Variants in FBXW4 observed in about 807,000 individuals in gnomAD.
FBXW4 encodes the protein F-box and WD repeat domain containing 4.
Under a neutral mutation model 61.8 loss-of-function variants are expected in FBXW4, and 40 were observed. The observed-to-expected ratio is 0.65, with a 90% CI of 0.50 to 0.84. FBXW4 has a LOEUF of 0.84. Ranked by LOEUF, FBXW4 falls within the 40% of genes least tolerant of loss-of-function variation. FBXW4 has a pLI of 0.00. For missense variants in FBXW4, 672 were observed against 753.8 expected (o/e 0.89, Z 1.27); for synonymous variants, 311 against 313.8 (o/e 0.99, Z 0.10).
At chr10:101,673,096 G>A in intron 3 of FBXW4, 49 bp from the exon 4 acceptor site, 2 of 1,590,454 alleles carry the variant, frequency 1.3e-6, no homozygotes, top group Non-Finnish European at 1.7e-6. Context: ...TATTCTTTCT[G>A]TAGAAAGAGA....
rs546814363 is a variant in FBXW4 at position 101,684,417 on chromosome 10, C to T, written c.726-7981G>A. Reference sequence around the variant, plus strand: ...CTGGGATTACAGGCGTGAGCCACTGCGCCTGGCCTACCCAGCTAATTTTTG... The same window carrying T: ...CTGGGATTACAGGCGTGAGCCACTGTGCCTGGCCTACCCAGCTAATTTTTG... On this transcript the variant is annotated intron_variant, in intron 1 of 8. Transcript: ENST00000331272. 5.3e-5 allele frequency among the ~76,000 whole-genome samples: 8 copies of T among 152,236 alleles called. No homozygotes were observed. In the East Asian group the frequency reaches 9.7e-4, roughly 18 times the overall value.
intron 5 of FBXW4, among the ~76,000 whole-genome samples, chr10:101,631,618 C>A (rs2063956879): frequency 6.7e-6 from 1 of 149,650 alleles, no homozygotes. Context: ...AAGGGAAAAA[C>A]ACATTATTTA....
At chr10:101,634,689 T>A (rs1476048623) in intron 5 of FBXW4, among the ~76,000 whole-genome samples, 1 of 148,458 alleles carries the variant, frequency 6.7e-6, no homozygotes, top group African/African-American at 2.5e-5. Context: ...GAATACACAT[T>A]TGAAAAAAAA....
At chr10:101,642,201 T>C (rs1300370627) in intron 5 of FBXW4, among the ~76,000 whole-genome samples, 1 of 151,900 alleles carries the variant, frequency 6.6e-6, no homozygotes, top group Non-Finnish European at 1.5e-5. Flanking sequence ...TCCACACATG[T>C]GTATGTGTTT....
At chr10:101,655,090 A>G (rs2064174782) in intron 5 of FBXW4, among the ~76,000 whole-genome samples, 1 of 152,120 alleles carries the variant, frequency 6.6e-6, no homozygotes, top group South Asian at 2.1e-4. Context: ...TCAGCCTCCC[A>G]AAGTGCTGGG....
chr10:101,664,526 G>T (rs2064278834), intron 5 of FBXW4, among the ~76,000 whole-genome samples: 2 of 152,208 alleles, frequency 1.3e-5, no homozygotes, highest in African/African-American at 4.8e-5. Flanking sequence ...TACTCAACAG[G>T]AATGGTGGCA....
chr10:101,619,150 G>C (rs2063848360), intron 6 of FBXW4, among the ~76,000 whole-genome samples: 1 of 152,198 alleles, frequency 6.6e-6, no homozygotes, highest in Non-Finnish European at 1.5e-5. Context: ...TGGGATCACA[G>C]GGCCTAGCTA....
chr10:101,630,872 G>A (rs914573047), intron 5 of FBXW4, among the ~76,000 whole-genome samples: 1 of 152,234 alleles, frequency 6.6e-6, no homozygotes, highest in South Asian at 2.1e-4. Flanking sequence ...CCACCTTGCA[G>A]GTGGGGAAAC....
At chr10:101,681,444 G>A (rs1451991431) in intron 1 of FBXW4, among the ~76,000 whole-genome samples, 2 of 148,360 alleles carry the variant, frequency 1.3e-5, no homozygotes, top group Non-Finnish European at 3.0e-5. Context: ...TAGGCTGGGC[G>A]CGGTGGCTCA....
intron 5 of FBXW4, chr10:101,625,124 A>G: frequency 2.8e-6 from 1 of 358,106 alleles, no homozygotes. Context: ...TGAGCCCAGG[A>G]GAGAGCGAGC....
chr10:101,614,637 C>G (rs935982835), intron 6 of FBXW4, among the ~76,000 whole-genome samples: 3 of 152,346 alleles, frequency 2.0e-5, no homozygotes, highest in African/African-American at 7.2e-5. Context: ...TTTCTTTCTG[C>G]TGTGCTGTTC....
intron 5 of FBXW4, 83 bp downstream of exon 5, chr10:101,667,803 G>C: frequency 5.7e-6 from 7 of 1,232,822 alleles, no homozygotes; most frequent in Non-Finnish European, 8.3e-6. Context: ...TACACAACAG[G>C]AAGATTTTCT....
chr10:101,642,400 T>C (rs1420354947), intron 5 of FBXW4, among the ~76,000 whole-genome samples: 1 of 150,594 alleles, frequency 6.6e-6, no homozygotes, highest in Non-Finnish European at 1.5e-5. Context: ...TTTTTTTTAA[T>C]TAAAAAAAAA....
In FBXW4 at chr10:101,610,916, G is replaced by C. The variant is rs2063775144; in HGVS notation, c.*375C>G. ...TCACCTTTCCTTCCAGGAAGGGGCA[G>C]AAAGGAACCATCTGGGAAGGTGGGA... On this transcript the variant is annotated 3_prime_UTR_variant, in exon 9 of 9. Coordinates refer to ENST00000331272, the MANE Select transcript of FBXW4 (RefSeq NM_022039.4). The C allele has an allele frequency of 6.3e-6, 1 of 158,566 alleles. No homozygotes were observed. Among genetic ancestry groups the C allele is most frequent in the South Asian group, 1.9e-4 (1 of 5,196 alleles). 9.8% of individuals were successfully genotyped at this position (158,566 alleles called of 1,614,324 possible).
At chr10:101,667,454 G>A (rs1164410005) in intron 5 of FBXW4, among the ~76,000 whole-genome samples, 1 of 152,084 alleles carries the variant, frequency 6.6e-6, no homozygotes, top group African/African-American at 2.4e-5. Context: ...GACTGTAAGG[G>A]ATACTCCAGA....
chr10:101,643,470 C>A (rs1258732261), intron 5 of FBXW4, among the ~76,000 whole-genome samples: 17 of 152,244 alleles, frequency 1.1e-4, no homozygotes. Context: ...ATACATGCAG[C>A]CGCGTTTGCT....
intron 5 of FBXW4, among the ~76,000 whole-genome samples, chr10:101,655,371 G>T (rs1186572462): frequency 6.6e-6 from 1 of 152,206 alleles, no homozygotes; most frequent in Non-Finnish European, 1.5e-5. Context: ...CTAACAACTG[G>T]AAGAATCCTT....
At chr10:101,619,061 G>C (rs1453311411) in intron 6 of FBXW4, among the ~76,000 whole-genome samples, 1 of 152,152 alleles carries the variant, frequency 6.6e-6, no homozygotes, top group African/African-American at 2.4e-5. Flanking sequence ...CTCAAACATA[G>C]AGAACACAAG....
At chr10:101,656,448 G>C (rs1018837234) in intron 5 of FBXW4, among the ~76,000 whole-genome samples, 7 of 152,224 alleles carry the variant, frequency 4.6e-5, no homozygotes, top group Admixed American at 4.6e-4. Context: ...GATCTTAAGA[G>C]AGAACACATA....
Sources: gnomAD v4.1 joint callset for allele counts (sites outside exome capture counted in the v4.1 genomes callset) on GRCh38, gnomAD v4.1.1 for gene constraint, MANE v1.5 for transcripts, NCBI Gene and HGNC (gene_info 2026-07-23, HGNC 2026-07-21) for gene names.